Variants in MYO1H observed in about 807,000 individuals in gnomAD.
The protein encoded by MYO1H is myosin IH, also known as unconventional myosin-Ih.
Under a neutral mutation model 149.3 loss-of-function variants are expected in MYO1H, and 118 were observed. The ratio of observed to expected loss-of-function variants is 0.79; its 90% CI spans 0.68 to 0.92. MYO1H has a LOEUF of 0.92. Ranked by LOEUF, MYO1H falls within the 40% of genes least tolerant of loss-of-function variation. The probability of loss-of-function intolerance (pLI) is 0.00; values close to 1 mark genes in which losing one functional copy is unlikely to be tolerated. For missense variants in MYO1H, 1,212 were observed against 1,280.7 expected (o/e 0.95, Z 0.82); for synonymous variants, 447 against 465.2 (o/e 0.96, Z 0.50).
exon 22 of MYO1H, chr12:109,436,498 C>G: frequency 6.2e-7 from 1 of 1,610,238 alleles, no homozygotes; most frequent in Non-Finnish European, 8.5e-7. Context: ...TTGCAAGAAT[C>G]CAAGCCACTT....
chr12:109,393,180 C>T, intron 2 of MYO1H, 151 bp from the exon 3 acceptor site: 3 of 614,076 alleles, frequency 4.9e-6, no homozygotes, highest in Non-Finnish European at 8.8e-6. Context: ...TGCTGTCTCC[C>T]TCATACACCT....
At position 109,443,238 on chromosome 12, in the gene MYO1H, GTA is replaced by G. The variant is rs34500133; in HGVS notation, c.2689-272_2689-271del. ...CGTATATGTGTGTGTATATGTGTACGTATATGTGTGTGTATATGTGTACGTAT... is the reference window on the plus strand; with the variant it reads ...CGTATATGTGTGTGTATATGTGTACGTATGTGTGTGTATATGTGTACGTAT... On this transcript the variant is annotated intron_variant, in intron 27 of 31. Coordinates refer to ENST00000310903, the Ensembl canonical transcript of MYO1H. 4.9e-4 allele frequency among the ~76,000 whole-genome samples: 32 copies of G among 65,976 alleles called. 8 individuals are homozygous for G. Among genetic ancestry groups the G allele is most frequent in the South Asian group, 2.1e-3 (5 of 2,368 alleles). 43.3% of individuals were successfully genotyped at this position (65,976 alleles called of 152,430 possible).
chr12:109,310,493 T>TGC, the MYO1H span, among the ~76,000 whole-genome samples: 1 of 152,156 alleles, frequency 6.6e-6, no homozygotes, highest in African/African-American at 2.4e-5. Flanking sequence ...CGTGGACCTC[T>TGC]GCGCCGCCCC....
At chr12:109,319,471 C>T in the MYO1H span, among the ~76,000 whole-genome samples, 3 of 152,134 alleles carry the variant, frequency 2.0e-5, no homozygotes, top group Admixed American at 6.5e-5. Flanking sequence ...TTCTGATTTT[C>T]AAGATGGAAA....
At chr12:109,409,918 T>G (rs1870591517) in intron 11 of MYO1H, 45 bp from the exon 12 acceptor site, 1 of 1,130,758 alleles carries the variant, frequency 8.8e-7, no homozygotes. Context: ...AAAAAAATTG[T>G]TCTCTTCATA....
intron 1 of MYO1H, among the ~76,000 whole-genome samples, chr12:109,355,843 G>T: frequency 6.6e-6 from 1 of 150,992 alleles, no homozygotes; most frequent in East Asian, 1.9e-4. Context: ...AAGTAGCTGG[G>T]ATTACAGGTG....
intron 27 of MYO1H, among the ~76,000 whole-genome samples, chr12:109,443,061 T>C (rs1450958810): frequency 7.9e-4 from 41 of 51,624 alleles, no homozygotes; most frequent in East Asian, 1.4e-3. Context: ...TATGTGTACG[T>C]ATGTGTGTAT....
At position 109,363,730 on chromosome 12, in the gene MYO1H, C is replaced by T. The variant is rs1227801501; in HGVS notation, c.12+15758C>T. On this transcript the variant is annotated intron_variant, in intron 1 of 31. Coordinates refer to ENST00000310903, the Ensembl canonical transcript of MYO1H. ...TCCGTCTCAAAAAAAAAGAAGAAGA[C>T]GCGTCTTGCTGGCCAGTCCCACCTG... Among the ~76,000 whole-genome samples, 4 of 151,774 alleles carry T rather than the reference C, an allele frequency of 2.6e-5. No individual in the cohort carries two copies. In the South Asian group the frequency reaches 6.3e-4, roughly 24 times the overall value.
At chr12:109,327,897 CTGTT>C in the MYO1H span, among the ~76,000 whole-genome samples, 1 of 151,838 alleles carries the variant, frequency 6.6e-6, no homozygotes, top group Non-Finnish European at 1.5e-5. Flanking sequence ...CATTTATTGA[CTGTT>C]TGCTCAGTGC....
At chr12:109,355,076 C>T (rs971255191) in intron 1 of MYO1H, among the ~76,000 whole-genome samples, 15 of 152,144 alleles carry the variant, frequency 9.9e-5, no homozygotes, top group Non-Finnish European at 1.0e-4. Flanking sequence ...CCTTGCCATC[C>T]GCACAGTCAA....
the MYO1H span, among the ~76,000 whole-genome samples, chr12:109,335,411 C>T: frequency 6.6e-6 from 1 of 152,084 alleles, no homozygotes; most frequent in Admixed American, 6.6e-5. Context: ...TAAGAAATTG[C>T]TCCCATGATT....
chr12:109,369,760 C>T (rs1397023991), intron 1 of MYO1H, among the ~76,000 whole-genome samples: 1 of 152,214 alleles, frequency 6.6e-6, no homozygotes, highest in Admixed American at 6.5e-5. Context: ...CTGTAATTCA[C>T]TTCTCCATGA....
intron 3 of MYO1H, among the ~76,000 whole-genome samples, chr12:109,394,671 T>C (rs532870881): frequency 6.6e-6 from 1 of 152,272 alleles, no homozygotes; most frequent in Admixed American, 6.5e-5. Context: ...TTTCTCCCTC[T>C]TGACTTCTAG....
intron 1 of MYO1H, chr12:109,359,621 A>G (rs1868696016): frequency 6.6e-6 from 1 of 152,174 alleles, no homozygotes; most frequent in African/African-American, 2.4e-5. Context: ...ATCCACAGTG[A>G]CGTTAAATGT....
exon 17 of MYO1H, chr12:109,424,797 C>T: frequency 6.2e-7 from 1 of 1,613,878 alleles, no homozygotes; most frequent in Non-Finnish European, 8.5e-7. Context: ...TTCCTGCTGG[C>T]CGAGTTAGAA....
At chr12:109,323,918 G>T in the MYO1H span, among the ~76,000 whole-genome samples, 1 of 151,842 alleles carries the variant, frequency 6.6e-6, no homozygotes, top group Non-Finnish European at 1.5e-5. Flanking sequence ...GGTGGCTAAT[G>T]CTTGTAATCC....
At chr12:109,396,268 A>G (rs1869900446) in intron 3 of MYO1H, 116 bp from the exon 4 acceptor site, 1 of 790,780 alleles carries the variant, frequency 1.3e-6, no homozygotes, top group African/African-American at 1.7e-5. Flanking sequence ...TCCTTGTACC[A>G]CAGTCTGGAT....
exon 30 of MYO1H, chr12:109,444,514 A>C (rs556802778): frequency 6.2e-7 from 1 of 1,613,794 alleles, no homozygotes; most frequent in South Asian, 1.1e-5. Context: ...AACATTGTCA[A>C]TGTTGTTCAA....
At chr12:109,326,478 T>C in the MYO1H span, among the ~76,000 whole-genome samples, 1 of 147,626 alleles carries the variant, frequency 6.8e-6, no homozygotes, top group Non-Finnish European at 1.5e-5. Context: ...AGACTCTACC[T>C]TTTTTTTATA....
Sources: gnomAD v4.1 joint callset for allele counts (sites outside exome capture counted in the v4.1 genomes callset) on GRCh38, gnomAD v4.1.1 for gene constraint, MANE v1.5 for transcripts, NCBI Gene and HGNC (gene_info 2026-07-23, HGNC 2026-07-21) for gene names.